Variants in IGHMBP2 observed in about 807,000 individuals in gnomAD.
The protein encoded by IGHMBP2 is DNA-binding protein SMUBP-2.
Under a neutral mutation model 96.0 loss-of-function variants are expected in IGHMBP2, and 81 were observed. The observed-to-expected ratio is 0.84, with a 90% CI of 0.71 to 1.01. IGHMBP2 has a LOEUF of 1.01. Ranked by LOEUF, IGHMBP2 falls within the 50% of genes least tolerant of loss-of-function variation. The probability of loss-of-function intolerance (pLI) is 0.00; values close to 1 mark genes in which losing one functional copy is unlikely to be tolerated. For synonymous variants in IGHMBP2, 557 were observed against 548.9 expected, an observed-to-expected ratio of 1.01 and a Z score of -0.21; for missense variants, 1,227 against 1,306.3, an observed-to-expected ratio of 0.94 and a Z score of 0.94.
Position 68,940,571 on chromosome 11 carries a change from T to C in IGHMBP2, c.*840T>C, listed in dbSNP as rs530993325. ...TTTTGTTTCAGAGGGATATAAATTA[T>C]TTAAAAATTAAATGAAAACGTTGCA... On this transcript the variant is annotated 3_prime_UTR_variant, in exon 15 of 15. Coordinates refer to ENST00000255078, the MANE Select transcript of IGHMBP2 (RefSeq NM_002180.3). 16 of 152,320 alleles carry C rather than the reference T, an allele frequency of 1.1e-4. No individual in the cohort carries two copies. Among genetic ancestry groups the C allele is most frequent in the African/African-American group, 3.4e-4 (14 of 41,566 alleles). The allele number at this position is 152,320 out of a possible 1,614,324, so 9.4% of individuals were successfully genotyped here.
intron 1 of IGHMBP2, among the ~76,000 whole-genome samples, chr11:68,905,321 T>G (rs1858146052): frequency 6.6e-6 from 1 of 152,196 alleles, no homozygotes; most frequent in African/African-American, 2.4e-5. Flanking sequence ...ATCCCAGCTG[T>G]TTCATTTATG....
intron 12 of IGHMBP2, among the ~76,000 whole-genome samples, chr11:68,935,763 G>A (rs530872358): frequency 1.1e-3 from 170 of 152,338 alleles, no homozygotes; most frequent in Non-Finnish European, 1.6e-3. Context: ...TGTGGTGGTC[G>A]TGGCTGTGGT....
chr11:68,913,836 C>T (rs1858541995), intron 5 of IGHMBP2, among the ~76,000 whole-genome samples: 1 of 152,154 alleles, frequency 6.6e-6, no homozygotes, highest in South Asian at 2.1e-4. Context: ...AGGAAGATAG[C>T]TTGAGCCCAG....
chr11:68,937,863 C>T (rs1859611874), intron 13 of IGHMBP2: 1 of 377,552 alleles, frequency 2.6e-6, no homozygotes, highest in East Asian at 5.8e-5. Flanking sequence ...TGAGCAGCTA[C>T]TGTATGCCAC....
Position 68,934,460 on chromosome 11 carries a change from C to T in IGHMBP2, c.1538-4C>T, listed in dbSNP as rs757915735. On this transcript the variant is annotated splice_region_variant and splice_polypyrimidine_tract_variant and intron_variant, in intron 10 of 14. Coordinates refer to ENST00000255078, the MANE Select transcript of IGHMBP2 (RefSeq NM_002180.3). Reference sequence around the variant, plus strand: ...CTGCTCACCCGTTCTTTCTTTCCCTCCAGGCGAAGTCCGCCTCGTCAGTTT... The same window carrying T: ...CTGCTCACCCGTTCTTTCTTTCCCTTCAGGCGAAGTCCGCCTCGTCAGTTT... The T allele has an allele frequency of 6.2e-7, 1 of 1,603,468 alleles. No individual in the cohort carries two copies.
Position 68,928,798 on chromosome 11 carries a change from G to C in IGHMBP2, c.1061-385G>C, listed in dbSNP as rs1038212217. 2.1e-4 allele frequency among the ~76,000 whole-genome samples: 31 copies of C among 150,068 alleles called. 1 individual carries two copies. The highest frequency in any genetic ancestry group is 6.6e-4 in the African/African-American group (26 of 39,342). On this transcript the variant is annotated intron_variant, in intron 7 of 14. Transcript: ENST00000255078. ...AGGCTTTTTTCTGGGTGAGTGCCCA[G>C]CAGTTGATTGTTCTGTATGTCCAAG...
chr11:68,911,752 CT>C lies in IGHMBP2; in HGVS notation c.711+150del, dbSNP rs1292765242. ...TTATTGATTGAGCCTTGGACTGCCC[CT>C]GTTTGATTTCCAGCATCCCCGTGAG... On this transcript the variant is annotated intron_variant, in intron 5 of 14. Transcript: ENST00000255078. 20 of 810,556 alleles carry C rather than the reference CT, an allele frequency of 2.5e-5. No homozygotes were observed. The African/African-American group carries it at 2.7e-4, about 11-fold the overall frequency. The allele number at this position is 810,556 out of a possible 1,614,324, so 50.2% of individuals were successfully genotyped here. A position where few individuals can be genotyped will look rare whatever the true frequency, so the allele number is the denominator to read the frequency against.
intron 7 of IGHMBP2, chr11:68,926,381 C>T (rs1304909996): frequency 6.6e-6 from 1 of 150,804 alleles, no homozygotes; most frequent in Non-Finnish European, 1.5e-5. Context: ...AGCAATTCTC[C>T]TGCCTCAGCC....
At position 68,935,424 on chromosome 11, in the gene IGHMBP2, T is replaced by C. The variant is rs754724492; in HGVS notation, c.1756+2T>C. The C allele has an allele frequency of 6.2e-7, 1 of 1,613,918 alleles. No homozygotes were observed. On this transcript the variant is annotated splice_donor_variant, in intron 12 of 14. Transcript: ENST00000255078. LOFTEE classifies it high-confidence loss of function. ...CCTTCGTCAGATCCAACAGGAAAGGTACGGAGCCCTCGCCAGAGTCCTTTG... is the reference window on the plus strand; with the variant it reads ...CCTTCGTCAGATCCAACAGGAAAGGCACGGAGCCCTCGCCAGAGTCCTTTG...
chr11:68,908,830 C>T (rs571461119), intron 4 of IGHMBP2, among the ~76,000 whole-genome samples, 199 bp downstream of exon 4: 78 of 147,074 alleles, frequency 5.3e-4, no homozygotes, highest in African/African-American at 1.7e-3. Context: ...TGAACTGGCT[C>T]GTTCCATTGA....
At chr11:68,907,761 G>A (rs776625995) in intron 2 of IGHMBP2, among the ~76,000 whole-genome samples, 31 of 151,944 alleles carry the variant, frequency 2.0e-4, no homozygotes, top group South Asian at 4.2e-4. Context: ...TCACTCTGTC[G>A]CTCAGGCCGG....
rs755781204 is a variant in IGHMBP2, at chr11:68,937,123, T to TC, written c.2611+36dup. 1.8e-5 allele frequency: 28 copies of TC among 1,595,462 alleles called. 1 individual carries two copies. Among genetic ancestry groups the TC allele is most frequent in the South Asian group, 1.4e-4 (13 of 90,692 alleles). ...CAACTAATAAGAACTTGGGGCAGTG[T>TC]CCCCTCACTGGGGTGCTGGCCCCAC... On this transcript the variant is annotated intron_variant, in intron 13 of 14. Coordinates refer to ENST00000255078, the MANE Select transcript of IGHMBP2 (RefSeq NM_002180.3).
chr11:68,909,196 G>T (rs61450832), intron 4 of IGHMBP2, among the ~76,000 whole-genome samples: 22,056 of 105,058 alleles, frequency 0.21, 3,237 homozygotes, highest in Admixed American at 0.37. Flanking sequence ...GGAGGGGGGG[G>T]GCGGATGGAG....
intron 12 of IGHMBP2, 70 bp from the exon 13 acceptor site, chr11:68,936,166 TA>T: frequency 6.4e-7 from 1 of 1,568,890 alleles, no homozygotes; most frequent in Non-Finnish European, 8.7e-7. Flanking sequence ...TGGTTACTGA[TA>T]AGGGCGTAGG....
intron 7 of IGHMBP2, among the ~76,000 whole-genome samples, chr11:68,922,751 T>G (rs1230040820): frequency 6.6e-6 from 1 of 152,218 alleles, no homozygotes; most frequent in East Asian, 1.9e-4. Context: ...CTTAAATGTT[T>G]AAGTGTACTA....
intron 5 of IGHMBP2, among the ~76,000 whole-genome samples, chr11:68,913,929 A>G (rs970424943): frequency 6.6e-6 from 1 of 152,180 alleles, no homozygotes; most frequent in Non-Finnish European, 1.5e-5. Context: ...AGTATTGCCA[A>G]GGAAGAGGCT....
rs1566448570 is a variant in IGHMBP2, at chr11:68,938,341, A to C, written c.2771A>C (p.His924Pro). 1 of 1,610,496 alleles carries C rather than the reference A, an allele frequency of 6.2e-7. No individual in the cohort carries two copies. Among genetic ancestry groups the C allele is most frequent in the Non-Finnish European group, 8.5e-7 (1 of 1,179,158 alleles). ...QLCSRRYCLSHHLPEIHGCGE... is the reference protein window; with the variant it reads ...QLCSRRYCLSPHLPEIHGCGE... ...TGCAGCCGCCGCTACTGCCTCAGCC[A>C]CCACCTGCCCGAGGTATGTCGGCCT... is the stretch of plus-strand genomic sequence containing the variant. The change falls in exon 14 of 15, where the codon CAC becomes CCC. Residue 924 changes from histidine (H) to proline (P), a missense_variant. His to Pro is a moderately conservative substitution (Grantham distance 77). Around this residue, in one of 3 missense-constraint regions of IGHMBP2, gnomAD observed 703 missense variants for 770.3 expected, o/e 0.91. Transcript: ENST00000255078.
At chr11:68,930,651 C>A in intron 8 of IGHMBP2, 2 of 305,780 alleles carry the variant, frequency 6.5e-6, no homozygotes, top group Non-Finnish European at 9.6e-6. Flanking sequence ...AGCACCTTTG[C>A]CTCAGTTCTT....
chr11:68,920,955 A>T (rs1276103131), intron 7 of IGHMBP2, among the ~76,000 whole-genome samples: 1 of 151,594 alleles, frequency 6.6e-6, no homozygotes, highest in Admixed American at 6.6e-5. Flanking sequence ...CTAATTTTAA[A>T]AATGTTCTTT....
Sources: allele counts gnomAD v4.1 joint callset (sites outside exome capture counted in the v4.1 genomes callset), GRCh38; gene constraint gnomAD v4.1.1; regional missense constraint gnomAD v4.1.1; transcripts MANE v1.5; gene names NCBI Gene and HGNC (gene_info 2026-07-23, HGNC 2026-07-21).